The following SEMA6D variants were observed in gnomAD, a reference collection of about 807,000 sequenced individuals.
SEMA6D encodes semaphorin 6D.
SEMA6D carries 35 observed loss-of-function variants against 106.6 expected under a neutral mutation model. The observed-to-expected ratio is 0.33, with a 90% confidence interval of 0.25 to 0.44. The LOEUF is 0.44. SEMA6D is among the 20% of genes least tolerant of loss of function. The pLI, the probability that SEMA6D is intolerant of heterozygous loss-of-function variation, is 1.00. For missense variants in SEMA6D, 1,185 were observed against 1,345.9 expected (o/e 0.88, Z 1.87); for synonymous variants, 499 against 487.7 (o/e 1.02, Z -0.31).
chr15:47,368,977 A>G (rs985467946), intron 1 of SEMA6D, among the ~76,000 whole-genome samples: 1 of 152,198 alleles, frequency 6.6e-6, no homozygotes, highest in Non-Finnish European at 1.5e-5. Context: ...ACTTTAATCT[A>G]CAAGTAACTT....
intron 3 of SEMA6D, among the ~76,000 whole-genome samples, chr15:47,501,029 T>A (rs2043830017): frequency 6.6e-6 from 1 of 152,092 alleles, no homozygotes. Context: ...TAGAGGGAAG[T>A]ATTGCTCTGG....
chr15:47,569,625 C>G (rs1485120703), intron 3 of SEMA6D, among the ~76,000 whole-genome samples: 1 of 152,094 alleles, frequency 6.6e-6, no homozygotes, highest in East Asian at 1.9e-4. Flanking sequence ...AGTGTTGGAA[C>G]TTCACTTACC....
At chr15:47,689,393 T>C (rs577521662) in intron 4 of SEMA6D, among the ~76,000 whole-genome samples, 1 of 152,210 alleles carries the variant, frequency 6.6e-6, no homozygotes, top group Admixed American at 6.5e-5. Context: ...CTTTCATAAA[T>C]AAACACATAT....
At chr15:47,201,203 T>C (rs2141076019) in intron 1 of SEMA6D, among the ~76,000 whole-genome samples, 1 of 152,354 alleles carries the variant, frequency 6.6e-6, no homozygotes, top group East Asian at 1.9e-4. Context: ...ACAAGTGTTT[T>C]ATGAAGTAAA....
At chr15:47,610,207 G>A (rs904425395) in intron 4 of SEMA6D, among the ~76,000 whole-genome samples, 8 of 152,150 alleles carry the variant, frequency 5.3e-5, no homozygotes, top group African/African-American at 1.2e-4. Context: ...GATACAGGCC[G>A]TAGGCTGACT....
chr15:47,589,014 C>A (rs2143011108), intron 3 of SEMA6D, among the ~76,000 whole-genome samples: 1 of 152,282 alleles, frequency 6.6e-6, no homozygotes, highest in Non-Finnish European at 1.5e-5. Flanking sequence ...AGACCCCCAA[C>A]AAAGGATTAT....
intron 1 of SEMA6D, among the ~76,000 whole-genome samples, chr15:47,359,236 T>C (rs1485670802): frequency 2.0e-5 from 3 of 152,230 alleles, no homozygotes; most frequent in Admixed American, 6.5e-5. Context: ...TTTATACATA[T>C]GTGTATGTGT....
At chr15:47,727,664 AC>A (rs1158768235) in intron 1 of SEMA6D, among the ~76,000 whole-genome samples, 1 of 140,670 alleles carries the variant, frequency 7.1e-6, no homozygotes, top group Non-Finnish European at 1.6e-5. Context: ...TTCCCCCCCA[AC>A]CCCCCCAGTT....
chr15:47,736,828 A>C (rs748691507), intron 1 of SEMA6D, among the ~76,000 whole-genome samples: 6 of 152,204 alleles, frequency 3.9e-5, no homozygotes, highest in Non-Finnish European at 8.8e-5. Flanking sequence ...GTTTGCTTTT[A>C]CTGGTGTAGA....
intron 1 of SEMA6D, among the ~76,000 whole-genome samples, chr15:47,277,867 G>A: frequency 6.7e-6 from 1 of 149,314 alleles, no homozygotes; most frequent in Non-Finnish European, 1.5e-5. Context: ...GAGGTGTTTG[G>A]TTTTTTGTTC....
rs1267302646 is a variant in SEMA6D, at chr15:47,554,128, A to G, written c.-86-46737A>G. On this transcript the variant is annotated intron_variant, in intron 3 of 19. Coordinates refer to the SEMA6D transcript ENST00000558014. ...TATAAATGTCACCACACTCTCTGATAAGAAAGTTGAGCAACAGGAAGATTG... is the reference window on the plus strand; with the variant it reads ...TATAAATGTCACCACACTCTCTGATGAGAAAGTTGAGCAACAGGAAGATTG... Among the ~76,000 whole-genome samples the G allele has an allele frequency of 2.0e-5, 3 of 152,196 alleles. No homozygotes were observed. The South Asian group carries it at 6.2e-4, about 31-fold the overall frequency.
intron 2 of SEMA6D, among the ~76,000 whole-genome samples, chr15:47,422,330 G>A (rs1346743120): frequency 6.6e-6 from 1 of 151,774 alleles, no homozygotes; most frequent in African/African-American, 2.4e-5. Flanking sequence ...GATGAAGTAT[G>A]TACAATGAAA....
In SEMA6D at chr15:47,451,681, A is replaced by G. The variant is rs752847422; in HGVS notation, c.-158-18793A>G. Among the ~76,000 whole-genome samples, 3 of 152,084 alleles carry G rather than the reference A, an allele frequency of 2.0e-5. 1 individual carries two copies. The highest frequency in any genetic ancestry group is 4.1e-4 in the South Asian group (2 of 4,824). On this transcript the variant is annotated intron_variant, in intron 2 of 19. Coordinates refer to the SEMA6D transcript ENST00000558014. ...AACCTGGAATTCTAACAACTGGGGA[A>G]TTCATATGATTTAAGTCCTCCCTTT...
chr15:47,511,837 C>T (rs1444536618), intron 3 of SEMA6D, among the ~76,000 whole-genome samples: 1 of 152,106 alleles, frequency 6.6e-6, no homozygotes. Flanking sequence ...TGGCACCCCT[C>T]AGGCCACACA....
chr15:47,559,081 G>A (rs1427405263), intron 3 of SEMA6D, among the ~76,000 whole-genome samples: 2 of 152,040 alleles, frequency 1.3e-5, no homozygotes, highest in African/African-American at 4.8e-5. Context: ...ATGAAGATTC[G>A]ATCCATTTTG....
At chr15:47,676,485 C>T (rs1683932078) in intron 4 of SEMA6D, among the ~76,000 whole-genome samples, 1 of 152,192 alleles carries the variant, frequency 6.6e-6, no homozygotes, top group African/African-American at 2.4e-5. Flanking sequence ...ACAATTAGTG[C>T]CATGACTACC....
rs143287297 is a variant in SEMA6D, at chr15:47,740,972, T to C, written c.-54-18773T>C. On this transcript the variant is annotated intron_variant, in intron 1 of 18. Transcript: ENST00000536845. ...TCTTCTCAATTACTTGACTTTTTCA[T>C]AGAAACTTTTACTTATTTATTTTTC... Among the ~76,000 whole-genome samples, 900 of 152,358 alleles carry C rather than the reference T, an allele frequency of 5.9e-3. 6 individuals carry two copies. Among genetic ancestry groups the C allele is most frequent in the Admixed American group, 0.021 (314 of 15,310 alleles).
chr15:47,466,497 A>G (rs894386468), intron 2 of SEMA6D, among the ~76,000 whole-genome samples: 7 of 152,134 alleles, frequency 4.6e-5, no homozygotes, highest in African/African-American at 1.7e-4. Context: ...TCCTTTTGTT[A>G]AGGGCTGAGT....
intron 1 of SEMA6D, among the ~76,000 whole-genome samples, chr15:47,257,158 T>C (rs1026302384): frequency 4.0e-5 from 6 of 151,284 alleles, no homozygotes; most frequent in Admixed American, 2.6e-4. Context: ...CCCGGGTTCA[T>C]GCCATTCTCC....
Sources: gnomAD v4.1 joint callset for allele counts (sites outside exome capture counted in the v4.1 genomes callset) on GRCh38, gnomAD v4.1.1 for gene constraint, MANE v1.5 for transcripts, NCBI Gene and HGNC (gene_info 2026-07-23, HGNC 2026-07-21) for gene names.